The following CEP85L variants were observed in gnomAD, a reference collection of about 807,000 sequenced individuals.
CEP85L encodes centrosomal protein 85L, also known as centrosomal protein of 85 kDa-like.
CEP85L carries 60 observed loss-of-function variants against 100.3 expected under a neutral mutation model. The observed-to-expected ratio is 0.60, with a 90% confidence interval of 0.49 to 0.74. CEP85L has a LOEUF of 0.74. CEP85L is among the 30% of genes least tolerant of loss of function. The probability of loss-of-function intolerance (pLI) is 0.00; values close to 1 mark genes in which losing one functional copy is unlikely to be tolerated. For missense variants in CEP85L, 973 were observed against 936.2 expected, an observed-to-expected ratio of 1.04 and a Z score of -0.51; for synonymous variants, 319 against 322.7, an observed-to-expected ratio of 0.99 and a Z score of 0.12.
At chr6:118,588,589 C>G (rs935436952) in intron 2 of CEP85L, among the ~76,000 whole-genome samples, 7 of 152,098 alleles carry the variant, frequency 4.6e-5, no homozygotes, top group Non-Finnish European at 1.5e-5. Context: ...GGCTTCAGCC[C>G]CAGGTGACTA....
chr6:118,637,198 A>C (rs1450091134), intron 1 of CEP85L, among the ~76,000 whole-genome samples: 1 of 152,224 alleles, frequency 6.6e-6, no homozygotes, highest in East Asian at 1.9e-4. Flanking sequence ...AAATGGTCTA[A>C]GACATGCTAT....
intron 3 of CEP85L, among the ~76,000 whole-genome samples, chr6:118,533,663 A>C (rs1777420148): frequency 6.6e-6 from 1 of 152,216 alleles, no homozygotes; most frequent in South Asian, 2.1e-4. Flanking sequence ...AGAAAATGAC[A>C]AACCAACATC....
Position 118,470,548 on chromosome 6 carries a change from C to A in CEP85L, c.2011G>T (p.Ala671Ser). Residue 671 changes from alanine to serine, a missense_variant, in exon 11 of 13, where the codon GCA becomes TCA. Physicochemically the swap from Ala to Ser is moderately conservative, Grantham distance 99 (BLOSUM62 1). This residue lies in a region of CEP85L where 890 missense variants were observed against 844.5 expected (regional missense o/e 1.05). Transcript: ENST00000368491. ...KERNVQRLTK[A>S]LLENQRQTDE... ...TTTCTTCTACTCACTTCAAGCAATG[C>A]TTTTGTTAATCTCTGTACATTTCTT... is the stretch of plus-strand genomic sequence containing the variant. The A allele has an allele frequency of 2.5e-6, 4 of 1,584,268 alleles. No individual in the cohort carries two copies. The highest frequency in any genetic ancestry group is 3.4e-6 in the Non-Finnish European group (4 of 1,164,678).
chr6:118,483,514 G>A (rs1773947843), intron 7 of CEP85L, among the ~76,000 whole-genome samples, 192 bp downstream of exon 7: 1 of 152,048 alleles, frequency 6.6e-6, no homozygotes, highest in African/African-American at 2.4e-5. Flanking sequence ...AGGATCAATA[G>A]GAAGGTAATC....
intron 2 of CEP85L, among the ~76,000 whole-genome samples, chr6:118,594,597 G>A (rs926818544): frequency 3.9e-5 from 6 of 152,062 alleles, no homozygotes; most frequent in South Asian, 4.2e-4. Context: ...CGCCGGGCAC[G>A]GTGGCTCACG....
In CEP85L at chr6:118,632,325, C is replaced by T. The variant is rs543502802; in HGVS notation, c.232+128G>A. The T allele has an allele frequency of 2.4e-5, 19 of 785,508 alleles. No homozygotes were observed. The Admixed American group carries it at 5.2e-4, about 22-fold the overall frequency. The allele number at this position is 785,508 out of a possible 1,614,324, so 48.7% of individuals were successfully genotyped here. A position where few individuals can be genotyped will look rare whatever the true frequency, so the allele number is the denominator to read the frequency against. On this transcript the variant is annotated intron_variant, in intron 2 of 12. Coordinates refer to ENST00000368491, the MANE Select transcript of CEP85L (RefSeq NM_001042475.3). ...CAATTTTATTTGATATACAGCAACA[C>T]TGAACATTATTAAATATTCAAACAC...
intron 10 of CEP85L, among the ~76,000 whole-genome samples, chr6:118,472,527 A>C (rs938315084): frequency 6.6e-6 from 1 of 152,058 alleles, no homozygotes; most frequent in African/African-American, 2.4e-5. Context: ...TCTCTATCCT[A>C]AATTGTATTA....
chr6:118,529,369 A>G (rs1777151409), intron 3 of CEP85L, among the ~76,000 whole-genome samples: 1 of 152,090 alleles, frequency 6.6e-6, no homozygotes, highest in Non-Finnish European at 1.5e-5. Flanking sequence ...GCACTTTGGG[A>G]GGCCAAGGTG....
At chr6:118,620,901 A>G (rs1773396519) in intron 2 of CEP85L, among the ~76,000 whole-genome samples, 2 of 152,096 alleles carry the variant, frequency 1.3e-5, no homozygotes, top group Non-Finnish European at 2.9e-5. Context: ...CACCCTTATT[A>G]AGGAGGGACA....
Position 118,709,556 on chromosome 6 carries a change from T to TGTGTGTGTGAGA in CEP85L, c.-28+479_-28+480insTCTCACACACAC, listed in dbSNP as rs751698371. 2.2e-3 allele frequency among the ~76,000 whole-genome samples: 311 copies of TGTGTGTGTGAGA among 142,322 alleles called. 5 individuals are homozygous for TGTGTGTGTGAGA. The highest frequency in any genetic ancestry group is 0.021 in the Middle Eastern group (6 of 286). 93.4% of individuals were successfully genotyped at this position (142,322 alleles called of 152,430 possible). A position where few individuals can be genotyped will look rare whatever the true frequency, so the allele number is the denominator to read the frequency against. ...GCGTGTGTGTGTGTGTGTGTGTGTG[T>TGTGTGTGTGAGA]GAGAGAGAGAGAGAGAGAGAGAGAG... On this transcript the variant is annotated intron_variant, in intron 1 of 13. Coordinates refer to the CEP85L transcript ENST00000368488.
intron 4 of CEP85L, among the ~76,000 whole-genome samples, chr6:118,514,838 T>C (rs1199669066): frequency 6.6e-6 from 1 of 151,908 alleles, no homozygotes; most frequent in East Asian, 1.9e-4. Context: ...AGGGTGTCAC[T>C]CTGTCACTCA....
At position 118,579,312 on chromosome 6, in the gene CEP85L, A is replaced by C. The variant is rs79015641; in HGVS notation, c.233-12996T>G. ...GGTTCAAAGAGGTCAACAATTCAAAATAAAATATTTTCCAATTTGGTCAAG... is the reference window on the plus strand; with the variant it reads ...GGTTCAAAGAGGTCAACAATTCAAACTAAAATATTTTCCAATTTGGTCAAG... On this transcript the variant is annotated intron_variant, in intron 2 of 12. Coordinates refer to ENST00000368491, the MANE Select transcript of CEP85L (RefSeq NM_001042475.3). 2.4e-3 allele frequency among the ~76,000 whole-genome samples: 360 copies of C among 151,974 alleles called. 1 individual carries two copies. The highest frequency in any genetic ancestry group is 8.3e-3 in the African/African-American group (344 of 41,504).
At chr6:118,500,441 T>C (rs1269187351) in intron 5 of CEP85L, among the ~76,000 whole-genome samples, 1 of 19,954 alleles carries the variant, frequency 5.0e-5, no homozygotes, top group African/African-American at 2.0e-4. Flanking sequence ...AGTTATCTAC[T>C]GGGAAATCTA....
intron 1 of CEP85L, among the ~76,000 whole-genome samples, chr6:118,648,665 C>T (rs1011835211): frequency 6.7e-6 from 1 of 149,704 alleles, no homozygotes; most frequent in African/African-American, 2.5e-5. Context: ...TGGCGTGAAC[C>T]TGGGAGGCGG....
At chr6:118,645,998 C>T (rs1459249250) in intron 1 of CEP85L, among the ~76,000 whole-genome samples, 1 of 152,096 alleles carries the variant, frequency 6.6e-6, no homozygotes, top group Non-Finnish European at 1.5e-5. Flanking sequence ...GCTGGCAGAT[C>T]ACGAGGTCAG....
intron 2 of CEP85L, among the ~76,000 whole-genome samples, chr6:118,588,743 A>AT (rs1781009805): frequency 6.6e-6 from 1 of 152,196 alleles, no homozygotes. Flanking sequence ...TATAACTAGA[A>AT]TTGTTTCCTA....
rs547532134 is a variant in CEP85L, at chr6:118,596,944, T to C, written c.233-30628A>G. 1.8e-4 allele frequency among the ~76,000 whole-genome samples: 28 copies of C among 152,318 alleles called. No homozygotes were observed. In the South Asian group the frequency reaches 4.3e-3, roughly 24 times the overall value. On this transcript the variant is annotated intron_variant, in intron 2 of 12. Coordinates refer to ENST00000368491, the MANE Select transcript of CEP85L (RefSeq NM_001042475.3). ...TTGTAGTTCCCATAATCCCCACATG[T>C]CGTGGGAGGGACCCAGTGGGAGGTA...
intron 5 of CEP85L, among the ~76,000 whole-genome samples, chr6:118,492,324 T>C (rs1392374536): frequency 2.0e-5 from 3 of 152,140 alleles, no homozygotes; most frequent in Non-Finnish European, 4.4e-5. Context: ...ATTCAATATG[T>C]ATTAATAGAA....
intron 1 of CEP85L, among the ~76,000 whole-genome samples, chr6:118,658,850 G>A (rs1293948781): frequency 2.0e-5 from 3 of 151,966 alleles, no homozygotes; most frequent in African/African-American, 4.8e-5. Flanking sequence ...TTAGAAAAAC[G>A]GGAAAATCAT....
Sources: allele counts gnomAD v4.1 joint callset (sites outside exome capture counted in the v4.1 genomes callset), GRCh38; gene constraint gnomAD v4.1.1; regional missense constraint gnomAD v4.1.1; transcripts MANE v1.5; gene names NCBI Gene and HGNC (gene_info 2026-07-23, HGNC 2026-07-21).